The following LZTS1 variants were observed in gnomAD, a reference collection of about 807,000 sequenced individuals.
The protein encoded by LZTS1 is leucine zipper tumor suppressor 1.
LZTS1 carries 31 observed loss-of-function variants against 45.8 expected under a neutral mutation model. The ratio of observed to expected loss-of-function variants is 0.68; its 90% CI spans 0.51 to 0.91. The LOEUF is 0.91. LZTS1 is among the 40% of genes least tolerant of loss of function. The pLI, the probability that LZTS1 is intolerant of heterozygous loss-of-function variation, is 0.00. For synonymous variants in LZTS1, 359 were observed against 357.3 expected, an observed-to-expected ratio of 1.00 and a Z score of -0.05; for missense variants, 821 against 788.9, an observed-to-expected ratio of 1.04 and a Z score of -0.49.
chr8:20,273,879 T>G (rs939996154), intron 1 of LZTS1, among the ~76,000 whole-genome samples: 1 of 152,106 alleles, frequency 6.6e-6, no homozygotes, highest in Non-Finnish European at 1.5e-5. Flanking sequence ...TGGGACTTTC[T>G]GTATCTTTGT....
At chr8:20,251,186 A>T (rs1585273588) in intron 3 of LZTS1, among the ~76,000 whole-genome samples, 1 of 143,400 alleles carries the variant, frequency 7.0e-6, no homozygotes, top group Non-Finnish European at 1.5e-5. Flanking sequence ...TGATCCCAAC[A>T]GTTTAATCAC....
intron 3 of LZTS1, among the ~76,000 whole-genome samples, chr8:20,252,305 G>A (rs1477630789): frequency 6.6e-6 from 1 of 152,154 alleles, no homozygotes; most frequent in African/African-American, 2.4e-5. Flanking sequence ...AGCAAGGAGT[G>A]GCCACTTCCA....
intron 1 of LZTS1, among the ~76,000 whole-genome samples, chr8:20,267,451 C>T (rs570173650): frequency 6.6e-6 from 1 of 152,292 alleles, no homozygotes; most frequent in South Asian, 2.1e-4. Context: ...TACATGTGGC[C>T]AGCACAGTTG....
chr8:20,267,936 T>G (rs950681659), intron 1 of LZTS1, among the ~76,000 whole-genome samples: 1 of 152,134 alleles, frequency 6.6e-6, no homozygotes, highest in Non-Finnish European at 1.5e-5. Context: ...GGGTCTCCAT[T>G]TCCTCATGTG....
At chr8:20,278,183 A>G (rs1403364909) in intron 1 of LZTS1, among the ~76,000 whole-genome samples, 2 of 152,220 alleles carry the variant, frequency 1.3e-5, no homozygotes, top group Non-Finnish European at 2.9e-5. Flanking sequence ...GCTGGTGATC[A>G]GCAGCTTCCT....
chr8:20,264,176 T>G (rs1013054658), intron 1 of LZTS1, among the ~76,000 whole-genome samples: 1 of 152,224 alleles, frequency 6.6e-6, no homozygotes, highest in African/African-American at 2.4e-5. Context: ...GCAACCTTAA[T>G]TGTTTTATTC....
At chr8:20,292,679 CT>C (rs1325781980) in intron 1 of LZTS1, among the ~76,000 whole-genome samples, 1 of 152,204 alleles carries the variant, frequency 6.6e-6, no homozygotes, top group Non-Finnish European at 1.5e-5. Flanking sequence ...CTGAAAGCGT[CT>C]CTCTACTGCT....
At chr8:20,287,817 T>C (rs896033086) in intron 1 of LZTS1, among the ~76,000 whole-genome samples, 22 of 143,178 alleles carry the variant, frequency 1.5e-4, no homozygotes, top group African/African-American at 5.0e-4. Context: ...TCCTAGCTAC[T>C]TGGGGGGCTG....
At chr8:20,253,697 G>C (rs1273937473) in intron 2 of LZTS1, 112 bp from the exon 3 acceptor site, 1 of 745,436 alleles carries the variant, frequency 1.3e-6, no homozygotes, top group African/African-American at 1.8e-5. Context: ...CTGAGCGCAC[G>C]CAGCACCCCT....
At chr8:20,274,961 CTGTG>C (rs34482608) in intron 1 of LZTS1, among the ~76,000 whole-genome samples, 1 of 125,688 alleles carries the variant, frequency 8.0e-6, no homozygotes, top group South Asian at 2.7e-4. Context: ...TGCCATGATA[CTGTG>C]TGTGTGTGTG....
chr8:20,260,909 T>C (rs1178981502), intron 1 of LZTS1, among the ~76,000 whole-genome samples: 2 of 152,170 alleles, frequency 1.3e-5, no homozygotes, highest in East Asian at 1.9e-4. Context: ...TGGGATCCAC[T>C]TGAAGCTAAG....
Position 20,288,581 on chromosome 8 carries a change from C to T in LZTS1, c.-135+15159G>A, listed in dbSNP as rs150781685. 5.4e-3 allele frequency among the ~76,000 whole-genome samples: 824 copies of T among 152,308 alleles called. 5 individuals are homozygous for T. The highest frequency in any genetic ancestry group is 8.1e-3 in the Non-Finnish European group (548 of 68,022). ...AACTGATGGATGCAAAAAAATGATG[C>T]CTCAGGTTTTATATCTGGCCAGTGG... On this transcript the variant is annotated intron_variant, in intron 1 of 3. Coordinates refer to ENST00000381569, the MANE Select transcript of LZTS1 (RefSeq NM_021020.5).
Position 20,255,240 on chromosome 8 carries a change from G to A in LZTS1, c.-59C>T, listed in dbSNP as rs1444296077. The A allele has an allele frequency of 3.2e-6, 5 of 1,548,838 alleles. No individual in the cohort carries two copies. The highest frequency in any genetic ancestry group is 2.6e-6 in the Non-Finnish European group (3 of 1,151,532). On this transcript the variant is annotated 5_prime_UTR_variant, in exon 2 of 4. Coordinates refer to ENST00000381569, the MANE Select transcript of LZTS1 (RefSeq NM_021020.5). ...GCAGGGTCTTGGAAAGGCTGTGGCA[G>A]CAAGGGGCAGTCGTGGCTCCGTGAG...
In LZTS1 at chr8:20,250,128, T is replaced by G; in HGVS notation, c.1385A>C (p.Glu462Ala). The G allele has an allele frequency of 6.2e-7, 1 of 1,607,628 alleles. No individual in the cohort carries two copies. The highest frequency in any genetic ancestry group is 2.2e-5 in the East Asian group (1 of 44,842). ...NELQRKKNEA[E>A]LLREKVNLLE... ...CAGGTTCACCTTCTCCCGCAGCAGCTCCGCCTCGTTCTTCTTGCGCTGCAG... is the reference window on the plus strand; with the variant it reads ...CAGGTTCACCTTCTCCCGCAGCAGCGCCGCCTCGTTCTTCTTGCGCTGCAG... The change falls in exon 4 of 4, where the codon GAG becomes GCG. Residue 462 changes from glutamate (E) to alanine (A), a missense_variant. Glu to Ala is a moderately radical substitution (Grantham distance 107). Transcript: ENST00000381569.
Position 20,253,581 on chromosome 8 carries a change from G to A in LZTS1, c.350C>T (p.Ser117Phe), listed in dbSNP as rs1392057970. 3 of 1,449,736 alleles carry A rather than the reference G, an allele frequency of 2.1e-6. No individual in the cohort carries two copies. Among genetic ancestry groups the A allele is most frequent in the Non-Finnish European group, 2.7e-6 (3 of 1,103,390 alleles). The allele number at this position is 1,449,736 out of a possible 1,614,324, so 89.8% of individuals were successfully genotyped here. A position where few individuals can be genotyped will look rare whatever the true frequency, so the allele number is the denominator to read the frequency against. The stretch of plus-strand genomic sequence containing the variant: ...TGTGGGCCTCACTGCACCCTTCTCG[G>A]AGCCCTGTAGAGGAAAAGGACCGCG... ...MPFSNQLEMG[S>F]EKGAVRPTAF... Residue 117 changes from serine (S) to phenylalanine (F), a missense_variant, in exon 3 of 4, where the codon TCC becomes TTC. Physicochemically the swap from Ser to Phe is radical, Grantham distance 155. Coordinates refer to ENST00000381569, the MANE Select transcript of LZTS1 (RefSeq NM_021020.5).
chr8:20,294,878 C>T (rs76367456), intron 1 of LZTS1, among the ~76,000 whole-genome samples: 5,144 of 151,932 alleles, frequency 0.034, 302 homozygotes, highest in African/African-American at 0.12. Flanking sequence ...TCTGGAAGGT[C>T]AAGGGCAGCC....
chr8:20,256,162 A>G lies in LZTS1; in HGVS notation c.-134-847T>C, dbSNP rs373756441. The stretch of plus-strand genomic sequence containing the variant: ...AGGGGTACCAGAAGAAACCCCAAGT[A>G]TAAAAGCCTGAGTCCCTGAGGCAGA... On this transcript the variant is annotated intron_variant, in intron 1 of 3. Coordinates refer to ENST00000381569, the MANE Select transcript of LZTS1 (RefSeq NM_021020.5). Among the ~76,000 whole-genome samples, 43 of 152,174 alleles carry G rather than the reference A, an allele frequency of 2.8e-4. 6 individuals carry two copies. The highest frequency in any genetic ancestry group is 1.9e-3 in the East Asian group (10 of 5,188).
chr8:20,263,763 G>C (rs1800294218), intron 1 of LZTS1, among the ~76,000 whole-genome samples: 1 of 152,150 alleles, frequency 6.6e-6, no homozygotes, highest in Non-Finnish European at 1.5e-5. Context: ...GGTGGTCAGA[G>C]GGGCAGGCCC....
At chr8:20,258,720 T>C (rs896432258) in intron 1 of LZTS1, among the ~76,000 whole-genome samples, 2 of 152,198 alleles carry the variant, frequency 1.3e-5, no homozygotes, top group Non-Finnish European at 2.9e-5. Context: ...TAGTACATAG[T>C]GGGCACTCAA....
Sources: gnomAD v4.1 joint callset for allele counts (sites outside exome capture counted in the v4.1 genomes callset) on GRCh38, gnomAD v4.1.1 for gene constraint, MANE v1.5 for transcripts, NCBI Gene and HGNC (gene_info 2026-07-23, HGNC 2026-07-21) for gene names.